The following COL25A1 variants were observed in gnomAD, a reference collection of about 807,000 sequenced individuals.
COL25A1 encodes the protein collagen type XXV alpha 1 chain, also known as collagen alpha-1(XXV) chain.
In COL25A1, 103 loss-of-function variants were observed where a neutral mutation model predicts 128.4. The ratio of observed to expected loss-of-function variants is 0.80; its 90% CI spans 0.68 to 0.94. COL25A1 has a LOEUF of 0.94. COL25A1 is among the 40% of genes least tolerant of loss of function. The pLI is 0.00. For missense variants in COL25A1, 745 were observed against 840.0 expected (o/e 0.89, Z 1.40); for synonymous variants, 279 against 277.2 (o/e 1.01, Z -0.06).
intron 8 of COL25A1, among the ~76,000 whole-genome samples, chr4:108,957,740 C>T (rs927909698): frequency 4.6e-5 from 7 of 152,062 alleles, no homozygotes; most frequent in Non-Finnish European, 7.4e-5. Context: ...CTGGCAGGGC[C>T]GATTGTCTAA....
chr4:109,259,878 GA>G (rs1781316630), intron 3 of COL25A1, among the ~76,000 whole-genome samples: 1 of 152,118 alleles, frequency 6.6e-6, no homozygotes, highest in Non-Finnish European at 1.5e-5. Flanking sequence ...AAACAGAAAG[GA>G]AAAGACATAA....
At chr4:109,119,178 C>T (rs1461621440) in intron 3 of COL25A1, among the ~76,000 whole-genome samples, 14 of 151,858 alleles carry the variant, frequency 9.2e-5, no homozygotes, top group Admixed American at 9.2e-4. Flanking sequence ...TAAAAATAGA[C>T]CTTACCAAAA....
chr4:108,896,661 CTG>C lies in COL25A1; in HGVS notation c.906+4_906+5del. ...ATGTACCCTTTCATGTCTTACAAAA[CTG>C]TACCTTTTCGCCTGTGTCACCCTTG... On this transcript the variant is annotated splice_donor_5th_base_variant and intron_variant, in intron 16 of 37. Transcript: ENST00000399132. 6.2e-7 allele frequency: 1 copy of C among 1,613,636 alleles called. No individual in the cohort carries two copies. Among genetic ancestry groups the C allele is most frequent in the South Asian group, 1.1e-5 (1 of 91,074 alleles).
At chr4:109,032,561 A>G (rs1306558016) in intron 5 of COL25A1, among the ~76,000 whole-genome samples, 1 of 152,228 alleles carries the variant, frequency 6.6e-6, no homozygotes, top group Non-Finnish European at 1.5e-5. Flanking sequence ...ACTGCAATAA[A>G]ATGTTTTATA....
intron 11 of COL25A1, among the ~76,000 whole-genome samples, chr4:108,930,587 T>G (rs977311577): frequency 6.6e-6 from 1 of 152,076 alleles, no homozygotes; most frequent in Non-Finnish European, 1.5e-5. Flanking sequence ...CTTTATAAAG[T>G]TAGAGGCTGA....
intron 35 of COL25A1, among the ~76,000 whole-genome samples, chr4:108,820,981 C>T (rs529805196): frequency 1.3e-5 from 2 of 152,184 alleles, no homozygotes; most frequent in East Asian, 1.9e-4. Flanking sequence ...GGAGTTAGTG[C>T]CGTGCAGAAC....
intron 13 of COL25A1, among the ~76,000 whole-genome samples, chr4:108,916,371 G>A (rs1744869650): frequency 6.6e-6 from 1 of 152,140 alleles, no homozygotes; most frequent in Non-Finnish European, 1.5e-5. Context: ...ACAAGAAAAT[G>A]TCACATTCCT....
chr4:108,848,607 G>C, intron 27 of COL25A1, 152 bp downstream of exon 27: 2 of 580,216 alleles, frequency 3.4e-6, no homozygotes, highest in Non-Finnish European at 6.1e-6. Context: ...ACTAATGTCT[G>C]CTTTTTAGAG....
At chr4:108,905,855 G>C (rs997688489) in intron 13 of COL25A1, among the ~76,000 whole-genome samples, 2 of 151,338 alleles carry the variant, frequency 1.3e-5, no homozygotes, top group Non-Finnish European at 2.9e-5. Flanking sequence ...TATGTCGGGG[G>C]GGGGTGCGGG....
At chr4:109,058,894 T>C (rs1174528576) in intron 3 of COL25A1, among the ~76,000 whole-genome samples, 1 of 152,144 alleles carries the variant, frequency 6.6e-6, no homozygotes, top group East Asian at 1.9e-4. Flanking sequence ...AAATGAGTGA[T>C]GGAAAATGAA....
chr4:109,196,160 C>T (rs1226513188), intron 3 of COL25A1, among the ~76,000 whole-genome samples: 1 of 152,150 alleles, frequency 6.6e-6, no homozygotes, highest in Admixed American at 6.5e-5. Flanking sequence ...AGATAATGTA[C>T]ATCCATTACG....
intron 5 of COL25A1, among the ~76,000 whole-genome samples, chr4:109,024,049 T>C (rs1758006034): frequency 6.6e-6 from 1 of 152,236 alleles, no homozygotes; most frequent in African/African-American, 2.4e-5. Flanking sequence ...TTTTTCACTT[T>C]CAGTACAGTA....
At chr4:108,819,836 A>G in intron 35 of COL25A1, 1 of 1,231,956 alleles carries the variant, frequency 8.1e-7, no homozygotes, top group Non-Finnish European at 1.0e-6. Context: ...CATCTAATCC[A>G]GGAGCACCCT....
chr4:109,244,176 A>G (rs1780100278), intron 3 of COL25A1, among the ~76,000 whole-genome samples: 1 of 151,954 alleles, frequency 6.6e-6, no homozygotes, highest in Non-Finnish European at 1.5e-5. Context: ...TTCATCATGA[A>G]AAACAGCTGA....
intron 3 of COL25A1, among the ~76,000 whole-genome samples, chr4:109,132,917 G>A (rs1769369363): frequency 6.6e-6 from 1 of 152,052 alleles, no homozygotes; most frequent in African/African-American, 2.4e-5. Context: ...GTGATATAAT[G>A]TGGCACAAAA....
At chr4:108,905,857 G>A (rs4956222) in intron 13 of COL25A1, among the ~76,000 whole-genome samples, 2 of 148,450 alleles carry the variant, frequency 1.3e-5, no homozygotes, top group Admixed American at 6.7e-5. Context: ...TGTCGGGGGG[G>A]GGTGCGGGGG....
intron 3 of COL25A1, among the ~76,000 whole-genome samples, chr4:109,071,788 T>C (rs1274582867): frequency 1.3e-5 from 2 of 152,126 alleles, no homozygotes; most frequent in East Asian, 3.9e-4. Context: ...CATTAAAAAG[T>C]CAGGAAACAA....
chr4:108,816,832 T>A (rs1731295648), intron 37 of COL25A1, among the ~76,000 whole-genome samples: 1 of 152,188 alleles, frequency 6.6e-6, no homozygotes, highest in Non-Finnish European at 1.5e-5. Flanking sequence ...CTATAAAGAA[T>A]AAACTTCTTT....
chr4:108,929,561 G>T (rs890264320), intron 11 of COL25A1, among the ~76,000 whole-genome samples: 4 of 152,112 alleles, frequency 2.6e-5, no homozygotes, highest in Admixed American at 6.6e-5. Context: ...AAAGATGCAG[G>T]CTGGGCGTGG....
Sources: allele counts gnomAD v4.1 joint callset (sites outside exome capture counted in the v4.1 genomes callset), GRCh38; gene constraint gnomAD v4.1.1; transcripts MANE v1.5; gene names NCBI Gene and HGNC (gene_info 2026-07-23, HGNC 2026-07-21).